PAK3: variants seen among roughly 807,000 people sequenced by gnomAD.
PAK3 encodes the protein serine/threonine-protein kinase PAK 3.
Under a neutral mutation model 41.0 loss-of-function variants are expected in PAK3, and 4 were observed. The observed-to-expected ratio is 0.10, with a 90% CI of 0.05 to 0.22. The LOEUF (loss-of-function observed/expected upper bound fraction) is 0.22. Ranked by LOEUF, PAK3 falls within the 10% of genes least tolerant of loss-of-function variation. The pLI is 1.00. For synonymous variants in PAK3, 146 were observed against 139.6 expected (o/e 1.05, Z -0.32); for missense variants, 205 against 409.9 (o/e 0.50, Z 4.32).
intron 16 of PAK3, among the ~76,000 whole-genome samples, chrX:111,216,055 A>G (rs1327853768): frequency 8.9e-6 from 1 of 112,316 alleles, no homozygotes; most frequent in Non-Finnish European, 1.9e-5. Context: ...AAATGAATGG[A>G]TGTATGTGTA....
At chrX:111,187,855 T>C (rs1248056369) in intron 11 of PAK3, among the ~76,000 whole-genome samples, 1 of 109,648 alleles carries the variant, frequency 9.1e-6, no homozygotes, top group East Asian at 2.9e-4. Context: ...TCCAACCACC[T>C]AACAACATGT....
chrX:110,951,029 T>G (rs1366493096), intron 1 of PAK3, among the ~76,000 whole-genome samples: 1 of 112,213 alleles, frequency 8.9e-6, no homozygotes, highest in Non-Finnish European at 1.9e-5. Flanking sequence ...TCTTTGCATT[T>G]CATTGAGTAC....
chrX:111,195,174 C>CT (rs1030309884), intron 14 of PAK3, among the ~76,000 whole-genome samples: 67 of 110,016 alleles, frequency 6.1e-4, no homozygotes, highest in African/African-American at 1.3e-3. Flanking sequence ...CTAATCTCTG[C>CT]TTTTTTTTTA....
At chrX:111,111,109 A>G (rs1435420480) in intron 4 of PAK3, among the ~76,000 whole-genome samples, 1 of 111,707 alleles carries the variant, frequency 9.0e-6, no homozygotes, top group Admixed American at 9.5e-5. Context: ...TGGCCTCCAA[A>G]CAAATATCTT....
At position 111,031,041 on chromosome X, in the gene PAK3, C is replaced by T. The variant is rs191278452; in HGVS notation, c.-28+86413C>T. Among the ~76,000 whole-genome samples, 216 of 111,918 alleles carry T rather than the reference C, an allele frequency of 1.9e-3. 1 individual carries two copies. The highest frequency in any genetic ancestry group is 4.7e-3 in the Admixed American group (49 of 10,534). On this transcript the variant is annotated intron_variant, in intron 1 of 14. Transcript: ENST00000425146. ...GCATGAACTAGTGATGTGGTCAAAG[C>T]CAGTTGTTTGAAATGACTGATTCAG...
At chrX:111,014,073 G>T (rs759026629) in intron 1 of PAK3, among the ~76,000 whole-genome samples, 13 of 111,920 alleles carry the variant, frequency 1.2e-4, no homozygotes, top group African/African-American at 4.2e-4. Flanking sequence ...CTTTCCCTTT[G>T]CTAACCACTC....
chrX:111,113,400 T>G (rs771789583), intron 4 of PAK3, among the ~76,000 whole-genome samples: 1 of 111,363 alleles, frequency 9.0e-6, no homozygotes, highest in Non-Finnish European at 1.9e-5. Flanking sequence ...TATATGAATG[T>G]TGGTGGTGGG....
rs1209033398 is a variant in PAK3 at position 111,123,066 on chromosome X, C to G, written c.-27-11C>G. 8.9e-7 allele frequency: 1 copy of G among 1,117,673 alleles called. No individual in the cohort carries two copies. The highest frequency in any genetic ancestry group is 1.2e-6 in the Non-Finnish European group (1 of 812,109). 92.1% of individuals were successfully genotyped at this position (1,117,673 alleles called of 1,213,427 possible). A position where few individuals can be genotyped will look rare whatever the true frequency, so the allele number is the denominator to read the frequency against. The stretch of plus-strand genomic sequence containing the variant: ...TCCCTCAACTCCTTTTTTTTCCCTC[C>G]TTTTCTTTAGGAGCTGTGAAATTAG... On this transcript the variant is annotated splice_polypyrimidine_tract_variant and intron_variant, in intron 4 of 17. Transcript: ENST00000372007.
intron 4 of PAK3, among the ~76,000 whole-genome samples, chrX:111,107,043 G>A (rs1163621682): frequency 8.9e-6 from 1 of 112,196 alleles, no homozygotes; most frequent in African/African-American, 3.2e-5. Flanking sequence ...GAAGTTTATG[G>A]CTTAACTTGC....
At chrX:110,962,526 C>T (rs1267226820) in intron 1 of PAK3, among the ~76,000 whole-genome samples, 1 of 112,547 alleles carries the variant, frequency 8.9e-6, no homozygotes, top group Non-Finnish European at 1.9e-5. Flanking sequence ...GCAAACCTTA[C>T]TTGTTATTTC....
chrX:111,144,762 C>A (rs1234760039), intron 6 of PAK3: 3 of 471,538 alleles, frequency 6.4e-6, no homozygotes, highest in East Asian at 3.9e-5. Flanking sequence ...TACACTTGGA[C>A]CCTGAAGCTA....
chrX:111,144,758 T>C (rs1235241454), intron 6 of PAK3: 4 of 460,028 alleles, frequency 8.7e-6, no homozygotes, highest in Non-Finnish European at 1.5e-5. Context: ...GTCATACACT[T>C]GGACCCTGAA....
intron 1 of PAK3, among the ~76,000 whole-genome samples, chrX:111,003,412 A>C (rs1329104126): frequency 9.0e-6 from 1 of 111,487 alleles, no homozygotes; most frequent in African/African-American, 3.3e-5. Flanking sequence ...CCAGGATTAT[A>C]GAACTTCCAA....
chrX:111,084,796 A>G (rs761243466), intron 1 of PAK3, among the ~76,000 whole-genome samples: 1 of 112,288 alleles, frequency 8.9e-6, no homozygotes, highest in Non-Finnish European at 1.9e-5. Flanking sequence ...CTTTGAAACT[A>G]TCCCTTCGCC....
At chrX:111,078,539 G>T (rs1296411446) in intron 1 of PAK3, among the ~76,000 whole-genome samples, 2 of 110,860 alleles carry the variant, frequency 1.8e-5, no homozygotes, top group Non-Finnish European at 3.8e-5. Flanking sequence ...TGTTCTGACT[G>T]CTCCACCAAC....
At chrX:111,148,220 A>G (rs1398172055) in intron 7 of PAK3, among the ~76,000 whole-genome samples, 1 of 111,978 alleles carries the variant, frequency 8.9e-6, no homozygotes, top group Non-Finnish European at 1.9e-5. Flanking sequence ...TAAGAGTTGT[A>G]TGTATGAAAC....
chrX:111,072,637 A>G lies in PAK3; in HGVS notation c.-27-50440A>G, dbSNP rs182571201. ...CACATCTGGGTATGTGAAGACCCCC[A>G]TATGTTTATTTTCTTGAGATAATCT... On this transcript the variant is annotated intron_variant, in intron 1 of 14. Coordinates refer to the PAK3 transcript ENST00000425146. Among the ~76,000 whole-genome samples, 278 of 112,460 alleles carry G rather than the reference A, an allele frequency of 2.5e-3. 2 individuals are homozygous for G. Among genetic ancestry groups the G allele is most frequent in the African/African-American group, 8.7e-3 (270 of 30,982 alleles).
In PAK3 at chrX:111,123,172, G is replaced by A. The variant is rs1430320849; in HGVS notation, c.69G>A (p.Arg23=). 1.1e-5 allele frequency: 13 copies of A among 1,200,797 alleles called. No homozygotes were observed. Among genetic ancestry groups the A allele is most frequent in the Non-Finnish European group, 1.4e-5 (12 of 886,714 alleles). ...CACTGAGGATGAATAGTAACAACCGGGATTCTTCAGCACTCAACCACAGCT... is the reference window on the plus strand; with the variant it reads ...CACTGAGGATGAATAGTAACAACCGAGATTCTTCAGCACTCAACCACAGCT... ...APPLRMNSNN[R]DSSALNHSSK... is the part of the protein sequence containing the mutation. The change falls in exon 5 of 18, where the codon CGG becomes CGA. Residue 23 remains arginine (R), a synonymous_variant. Coordinates refer to ENST00000372007, the MANE Select transcript of PAK3 (RefSeq NM_002578.5).
chrX:110,989,734 T>C (rs1449232738), intron 1 of PAK3, among the ~76,000 whole-genome samples: 1 of 111,672 alleles, frequency 9.0e-6, no homozygotes, highest in African/African-American at 3.3e-5. Context: ...GTAGCAGAAC[T>C]GGATCTCGAA....
Sources: gnomAD v4.1 joint callset for allele counts (sites outside exome capture counted in the v4.1 genomes callset) on GRCh38, gnomAD v4.1.1 for gene constraint, MANE v1.5 for transcripts, NCBI Gene and HGNC (gene_info 2026-07-23, HGNC 2026-07-21) for gene names.